Variants in USP31 observed in about 807,000 individuals in gnomAD.
The protein encoded by USP31 is ubiquitin carboxyl-terminal hydrolase 31.
Under a neutral mutation model 119.4 loss-of-function variants are expected in USP31, and 44 were observed. The observed-to-expected ratio is 0.37, with a 90% CI of 0.29 to 0.47. The LOEUF (loss-of-function observed/expected upper bound fraction) is 0.47. Among genes scored for constraint, USP31 ranks in the 20% least tolerant of loss-of-function variants. The pLI is 0.99. For synonymous variants in USP31, 749 were observed against 705.6 expected (o/e 1.06, Z -0.97); for missense variants, 1,643 against 1,730.2 (o/e 0.95, Z 0.89).
intron 7 of USP31, 89 bp from the exon 8 acceptor site, chr16:23,087,924 T>C: frequency 8.6e-7 from 1 of 1,157,350 alleles, no homozygotes; most frequent in Non-Finnish European, 1.3e-6. Flanking sequence ...TAAAACGGAA[T>C]CACAATATAA....
Position 23,064,794 on chromosome 16 carries a change from G to A in USP31, c.*3252C>T, listed in dbSNP as rs1899999476. On this transcript the variant is annotated 3_prime_UTR_variant, in exon 16 of 16. Transcript: ENST00000219689. The stretch of plus-strand genomic sequence containing the variant: ...CTGAAGCTTTCAGTTTTGCCTCTGT[G>A]CTCAAAGAAGGCCCTCCATAAACGT... 6.6e-6 allele frequency: 1 copy of A among 152,010 alleles called. No individual in the cohort carries two copies. Among genetic ancestry groups the A allele is most frequent in the South Asian group, 2.1e-4 (1 of 4,808 alleles). The allele number at this position is 152,010 out of a possible 1,614,324, so 9.4% of individuals were successfully genotyped here. A position where few individuals can be genotyped will look rare whatever the true frequency, so the allele number is the denominator to read the frequency against.
chr16:23,106,829 T>C (rs1430769839), intron 2 of USP31, among the ~76,000 whole-genome samples: 2 of 152,104 alleles, frequency 1.3e-5, no homozygotes, highest in Admixed American at 6.5e-5. Flanking sequence ...AGTACTAATA[T>C]TGGCCAGGCA....
intron 7 of USP31, among the ~76,000 whole-genome samples, 161 bp downstream of exon 7, chr16:23,090,463 A>AC (rs35653389): frequency 6.6e-6 from 1 of 151,848 alleles, no homozygotes; most frequent in Non-Finnish European, 1.5e-5. Context: ...CCCCCGACCA[A>AC]CCCCCCAAAT....
chr16:23,123,485 C>A (rs1280867137), intron 1 of USP31, among the ~76,000 whole-genome samples: 1 of 151,988 alleles, frequency 6.6e-6, no homozygotes, highest in African/African-American at 2.4e-5. Context: ...ATGCAGTGAG[C>A]CGAGATCATG....
At chr16:23,078,414 G>A (rs573135320) in intron 13 of USP31, among the ~76,000 whole-genome samples, 4 of 151,842 alleles carry the variant, frequency 2.6e-5, no homozygotes, top group South Asian at 4.2e-4. Flanking sequence ...GAAGGCATGC[G>A]CCACTCACCC....
chr16:23,135,417 T>C (rs1320663769), intron 1 of USP31, among the ~76,000 whole-genome samples: 4 of 152,164 alleles, frequency 2.6e-5, no homozygotes, highest in African/African-American at 4.8e-5. Flanking sequence ...TTTTCACAAA[T>C]GACATGATCT....
chr16:23,114,244 TAAGCCAGAGACAGG>T (rs1028708736), intron 1 of USP31, among the ~76,000 whole-genome samples: 1 of 152,140 alleles, frequency 6.6e-6, no homozygotes. Flanking sequence ...TGCATGCAGA[TAAGCCAGAGACAGG>T]AAGGCAGGGA....
At chr16:23,104,090 G>A (rs1596713447) in intron 5 of USP31, among the ~76,000 whole-genome samples, 1 of 152,314 alleles carries the variant, frequency 6.6e-6, no homozygotes, top group African/African-American at 2.4e-5. Flanking sequence ...AACCAGCCCT[G>A]CAAACCTGAA....
intron 5 of USP31, 149 bp downstream of exon 5, chr16:23,105,292 G>T: frequency 1.1e-6 from 1 of 927,224 alleles, no homozygotes; most frequent in East Asian, 2.8e-5. Context: ...TTAGTCTTTG[G>T]GGCCTTGATT....
At chr16:23,141,944 T>C (rs554407170) in intron 1 of USP31, among the ~76,000 whole-genome samples, 27 of 152,204 alleles carry the variant, frequency 1.8e-4, no homozygotes, top group African/African-American at 6.5e-4. Flanking sequence ...TCATACACAA[T>C]GATCTCACCT....
At chr16:23,148,586 G>A in intron 1 of USP31, 52 bp downstream of exon 1, 2 of 1,411,302 alleles carry the variant, frequency 1.4e-6, no homozygotes, top group Non-Finnish European at 1.8e-6. Context: ...TGGGCGGGCA[G>A]GTGCCCCAGG....
chr16:23,140,453 G>A (rs990157563), intron 1 of USP31, among the ~76,000 whole-genome samples: 1 of 152,158 alleles, frequency 6.6e-6, no homozygotes, highest in East Asian at 1.9e-4. Flanking sequence ...GCCCAAAATA[G>A]CAAGAGTGCC....
At chr16:23,104,869 C>A (rs1902027014) in intron 5 of USP31, among the ~76,000 whole-genome samples, 1 of 152,170 alleles carries the variant, frequency 6.6e-6, no homozygotes, top group African/African-American at 2.4e-5. Flanking sequence ...TGGTCAATTT[C>A]AACATAACTG....
chr16:23,062,671 G>C lies in USP31; in HGVS notation c.*5375C>G, dbSNP rs1371312253. 2 of 152,454 alleles carry C rather than the reference G, an allele frequency of 1.3e-5. No individual in the cohort carries two copies. The highest frequency in any genetic ancestry group is 2.4e-5 in the African/African-American group (1 of 41,436). 9.4% of individuals were successfully genotyped at this position (152,454 alleles called of 1,614,324 possible). ...GCCTGGGGAAAAGGTTCTGGGGACA[G>C]ATGCAAACCCCGCGGGGACACTCAG... On this transcript the variant is annotated 3_prime_UTR_variant, in exon 16 of 16. Transcript: ENST00000219689.
At chr16:23,130,494 A>T (rs1229913753) in intron 1 of USP31, among the ~76,000 whole-genome samples, 1 of 152,178 alleles carries the variant, frequency 6.6e-6, no homozygotes, top group Non-Finnish European at 1.5e-5. Flanking sequence ...GTTTAGCAAC[A>T]GCGGAGGGGC....
At position 23,084,986 on chromosome 16, in the gene USP31, T is replaced by C. The variant is rs2141845523; in HGVS notation, c.1704A>G (p.Leu568=). ...VEWDKETRDF[L]FVNTEDEYIP... is the part of the protein sequence containing the mutation. The stretch of plus-strand genomic sequence containing the variant: ...TATACTCATCCTCAGTATTTACAAA[T>C]AAGCTGCAATTAGGGGGAAAAGCAT... Residue 568 remains leucine, a synonymous_variant, in exon 11 of 16, where the codon TTA becomes TTG. Coordinates refer to ENST00000219689, the MANE Select transcript of USP31 (RefSeq NM_020718.4). 6.2e-7 allele frequency: 1 copy of C among 1,613,604 alleles called. No individual in the cohort carries two copies. The highest frequency in any genetic ancestry group is 8.5e-7 in the Non-Finnish European group (1 of 1,179,902).
In USP31 at chr16:23,068,180, G is replaced by C. The variant is rs35254998; in HGVS notation, c.3925C>G (p.Arg1309Gly). ...ASAKHSLLSA[R>G]KSKSSQLDSG... ...TCTAGTTGGGAAGACTTGGATTTGC[G>C]AGCGGACAGCAGGGAATGTTTGGCA... Residue 1309 changes from arginine (R) to glycine (G), a missense_variant, in exon 16 of 16, where the codon CGC (arginine) becomes GGC (glycine). Arg to Gly is a moderately radical substitution (Grantham distance 125, BLOSUM62 -2). Around this residue, in one of 5 missense-constraint regions of USP31, gnomAD observed 699 missense variants for 650.9 expected, o/e 1.07. Coordinates refer to ENST00000219689, the MANE Select transcript of USP31 (RefSeq NM_020718.4). The C allele has an allele frequency of 1.2e-6, 2 of 1,613,982 alleles. No individual in the cohort carries two copies. The highest frequency in any genetic ancestry group is 3.3e-5 in the Admixed American group (2 of 60,010).
At position 23,068,817 on chromosome 16, in the gene USP31, T is replaced by C; in HGVS notation, c.3288A>G (p.Lys1096=). The C allele has an allele frequency of 6.4e-7, 1 of 1,555,694 alleles. No individual in the cohort carries two copies. Among genetic ancestry groups the C allele is most frequent in the Non-Finnish European group, 8.7e-7 (1 of 1,154,740 alleles). ...CCTGAGATTTCGGGGATGACTCCTT[T>C]TTGGGTTGGGCAGGGGCAGGGGATG... ...RHSSPAPAQP[K]KESSPKSQDS... The change falls in exon 16 of 16, where the codon AAA becomes AAG. Residue 1096 remains lysine, a synonymous_variant. Coordinates refer to ENST00000219689, the MANE Select transcript of USP31 (RefSeq NM_020718.4).
chr16:23,142,387 T>A (rs1048354029), intron 1 of USP31, among the ~76,000 whole-genome samples: 1 of 152,194 alleles, frequency 6.6e-6, no homozygotes, highest in Non-Finnish European at 1.5e-5. Context: ...TAGCTGCAGA[T>A]GACCTTATTT....
Sources: gnomAD v4.1 joint callset for allele counts (sites outside exome capture counted in the v4.1 genomes callset) on GRCh38, gnomAD v4.1.1 for gene constraint, gnomAD v4.1.1 regional missense constraint, MANE v1.5 for transcripts, NCBI Gene and HGNC (gene_info 2026-07-23, HGNC 2026-07-21) for gene names.